The following AASS variants were observed in gnomAD, a reference collection of about 807,000 sequenced individuals.
AASS encodes alpha-aminoadipic semialdehyde synthase, mitochondrial.
A neutral mutation model predicts 105.4 loss-of-function variants in AASS; 86 were observed. The observed-to-expected ratio is 0.82, with a 90% CI of 0.69 to 0.98. The LOEUF (loss-of-function observed/expected upper bound fraction) is 0.98. Ranked by LOEUF, AASS falls within the 50% of genes least tolerant of loss-of-function variation. The pLI, the probability that AASS is intolerant of heterozygous loss-of-function variation, is 0.00. For synonymous variants in AASS, 381 were observed against 394.8 expected (o/e 0.96, Z 0.41); for missense variants, 1,048 against 1,143.2 (o/e 0.92, Z 1.20).
chr7:122,140,195 G>T (rs1435902432), intron 1 of AASS, among the ~76,000 whole-genome samples: 1 of 151,956 alleles, frequency 6.6e-6, no homozygotes, highest in South Asian at 2.1e-4. Flanking sequence ...GCTTAAGAAT[G>T]AACTAAGCGG....
At chr7:122,094,384 C>G (rs1794047632) in intron 15 of AASS, among the ~76,000 whole-genome samples, 1 of 151,908 alleles carries the variant, frequency 6.6e-6, no homozygotes, top group Non-Finnish European at 1.5e-5. Context: ...GGAATAAAGG[C>G]CTGAGAAGTG....
At chr7:122,083,052 G>GA (rs1194173733) in intron 19 of AASS, among the ~76,000 whole-genome samples, 4 of 89,896 alleles carry the variant, frequency 4.4e-5, no homozygotes, top group Admixed American at 9.3e-5. Context: ...CAGAGAGAGA[G>GA]AGAAGAAAAG....
chr7:122,113,636 A>G lies in AASS; in HGVS notation c.1128T>C (p.Phe376=), dbSNP rs1562976116. The G allele has an allele frequency of 1.2e-6, 2 of 1,613,766 alleles. No individual in the cohort carries two copies. Among genetic ancestry groups the G allele is most frequent in the East Asian group, 2.2e-5 (1 of 44,836 alleles). ...MTECTTIEHP[F]CMYDADQHII... is the part of the protein sequence containing the mutation. ...TATGCTGGTCTGCATCATACATGCAAAAGGGATGCTCTATTGTTGTACACT... is the reference window on the plus strand; with the variant it reads ...TATGCTGGTCTGCATCATACATGCAGAAGGGATGCTCTATTGTTGTACACT... Residue 376 remains phenylalanine, a synonymous_variant, in exon 10 of 24, where the codon TTT becomes TTC. Coordinates refer to ENST00000417368, the MANE Select transcript of AASS (RefSeq NM_005763.4).
chr7:122,082,810 A>AG, intron 19 of AASS: 4 of 1,289,312 alleles, frequency 3.1e-6, no homozygotes, highest in Non-Finnish European at 4.0e-6. Flanking sequence ...GGGTGGTTCA[A>AG]GGGGAAGGAG....
chr7:122,091,968 AGGCATTC>A, intron 17 of AASS, 125 bp from the exon 18 acceptor site: 1 of 684,114 alleles, frequency 1.5e-6, no homozygotes, highest in Admixed American at 2.6e-5. Flanking sequence ...AAAGTTACTA[AGGCATTC>A]AAAAATACAT....
Position 122,074,861 on chromosome 7 carries a change from T to A in AASS, c.*1628A>T, listed in dbSNP as rs1792927322. ...TCTGATGCTGTCAATTTTTTTCTTT[T>A]CTTTTTTGTTTTTTTTGAGTCAAGG... On this transcript the variant is annotated 3_prime_UTR_variant, in exon 24 of 24. Transcript: ENST00000417368. Among the ~76,000 whole-genome samples the A allele has an allele frequency of 6.8e-6, 1 of 147,802 alleles. No homozygotes were observed. Among genetic ancestry groups the A allele is most frequent in the South Asian group, 2.3e-4 (1 of 4,394 alleles).
chr7:122,119,360 CA>C (rs1384146552), intron 4 of AASS, among the ~76,000 whole-genome samples: 9 of 152,118 alleles, frequency 5.9e-5, no homozygotes, highest in South Asian at 2.1e-4. Flanking sequence ...TATCTATATG[CA>C]GACGACTTCA....
chr7:122,077,759 G>A, intron 23 of AASS, 79 bp downstream of exon 23: 2 of 1,533,350 alleles, frequency 1.3e-6, no homozygotes, highest in Non-Finnish European at 1.8e-6. Flanking sequence ...ACGCTCAAGA[G>A]CAATTACTTG....
intron 19 of AASS, among the ~76,000 whole-genome samples, chr7:122,084,968 A>G (rs1439346906): frequency 1.3e-5 from 2 of 152,150 alleles, no homozygotes; most frequent in Non-Finnish European, 2.9e-5. Flanking sequence ...CCTGTCGCCA[A>G]ATTCATGGGC....
intron 4 of AASS, 57 bp from the exon 5 acceptor site, chr7:122,118,687 C>A: frequency 6.4e-7 from 1 of 1,554,920 alleles, no homozygotes; most frequent in South Asian, 1.1e-5. Context: ...TTAAGCTGTT[C>A]TCTCTGCTCG....
At chr7:122,122,737 T>C (rs1795496219) in intron 4 of AASS, among the ~76,000 whole-genome samples, 2 of 152,198 alleles carry the variant, frequency 1.3e-5, no homozygotes, top group South Asian at 4.1e-4. Flanking sequence ...AAAATCTATA[T>C]ATGTTCTCTA....
Position 122,118,436 on chromosome 7 carries a change from A to T in AASS, c.558T>A (p.His186Gln), listed in dbSNP as rs771669541. 9.3e-6 allele frequency: 15 copies of T among 1,614,034 alleles called. No homozygotes were observed. The highest frequency in any genetic ancestry group is 1.2e-5 in the Non-Finnish European group (14 of 1,180,018). The change falls in exon 6 of 24, where the codon CAT becomes CAA. Residue 186 changes from histidine to glutamine, a missense_variant. Physicochemically the swap from His to Gln is conservative, Grantham distance 24 (BLOSUM62 0). Coordinates refer to ENST00000417368, the MANE Select transcript of AASS (RefSeq NM_005763.4). ...CAGCCTGACTGCTATTCCTGTAGTT[A>T]TGAGCCATGCCAATGTGCTGAAAAC... ...HTPFMHIGMA[H>Q]NYRNSSQAVQ...
rs771603825 is a variant in AASS at position 122,077,850 on chromosome 7, T to C, written c.2650A>G (p.Met884Val). 3.7e-6 allele frequency: 6 copies of C among 1,614,068 alleles called. No individual in the cohort carries two copies. Among genetic ancestry groups the C allele is most frequent in the Admixed American group, 1.7e-5 (1 of 60,004 alleles). ...TGAACAGACTTACCATCAAGCAACA[T>C]TTTGGCTGCCATGGCGGTGGGTAAC... ...VGLPTAMAAK[M>V]LLDGEIGAKG... Residue 884 changes from methionine (M) to valine (V), a missense_variant, in exon 23 of 24, where the codon ATG becomes GTG. Transcript: ENST00000417368.
intron 11 of AASS, among the ~76,000 whole-genome samples, chr7:122,108,451 A>G (rs995347893): frequency 1.3e-5 from 2 of 152,140 alleles, no homozygotes; most frequent in Admixed American, 6.6e-5. Flanking sequence ...CAAATTTAAC[A>G]GCATATTTAC....
chr7:122,129,242 G>T, intron 3 of AASS, 119 bp downstream of exon 3: 1 of 626,460 alleles, frequency 1.6e-6, no homozygotes, highest in Non-Finnish European at 2.5e-6. Flanking sequence ...GAATATAAAA[G>T]GAATGCAATG....
At chr7:122,141,000 C>G (rs1796368212) in intron 1 of AASS, among the ~76,000 whole-genome samples, 3 of 152,022 alleles carry the variant, frequency 2.0e-5, no homozygotes. Context: ...GTATCCAAAC[C>G]ATAATATTTT....
intron 15 of AASS, among the ~76,000 whole-genome samples, chr7:122,096,586 C>T (rs1321993794): frequency 2.0e-5 from 3 of 151,730 alleles, no homozygotes; most frequent in Admixed American, 2.0e-4. Flanking sequence ...CAAGATTGTG[C>T]CACTGCATTC....
intron 11 of AASS, among the ~76,000 whole-genome samples, chr7:122,102,164 T>C (rs1584848000): frequency 6.6e-6 from 1 of 152,040 alleles, no homozygotes; most frequent in East Asian, 1.9e-4. Context: ...AGTAGTTATA[T>C]GTATAGGTAC....
intron 4 of AASS, among the ~76,000 whole-genome samples, chr7:122,120,266 A>G (rs1795382333): frequency 6.6e-6 from 1 of 152,110 alleles, no homozygotes; most frequent in South Asian, 2.1e-4. Flanking sequence ...GTACCTTGAT[A>G]CTTAAGTTTT....
Sources: gnomAD v4.1 joint callset for allele counts (sites outside exome capture counted in the v4.1 genomes callset) on GRCh38, gnomAD v4.1.1 for gene constraint, MANE v1.5 for transcripts, NCBI Gene and HGNC (gene_info 2026-07-23, HGNC 2026-07-21) for gene names.